URB1: variants seen among roughly 807,000 people sequenced by gnomAD.
URB1 encodes the protein URB1 ribosome biogenesis factor.
URB1 carries 197 observed loss-of-function variants against 242.3 expected under a neutral mutation model. The ratio of observed to expected loss-of-function variants is 0.81; its 90% CI spans 0.72 to 0.91. The LOEUF (loss-of-function observed/expected upper bound fraction) is 0.91, where lower values mean the gene tolerates loss of function less well. Ranked by LOEUF, URB1 falls within the 40% of genes least tolerant of loss-of-function variation. The pLI, the probability that URB1 is intolerant of heterozygous loss-of-function variation, is 0.00. For synonymous variants in URB1, 1,153 were observed against 1,201.8 expected, an observed-to-expected ratio of 0.96 and a Z score of 0.84; for missense variants, 2,721 against 2,860.5, an observed-to-expected ratio of 0.95 and a Z score of 1.11.
intron 28 of URB1, among the ~76,000 whole-genome samples, 158 bp from the exon 29 acceptor site, chr21:32,334,492 T>C (rs1023349961): frequency 1.3e-5 from 2 of 152,084 alleles, no homozygotes; most frequent in Non-Finnish European, 2.9e-5. Flanking sequence ...CATCACAGCT[T>C]ACGAAGTGGG....
intron 30 of URB1, among the ~76,000 whole-genome samples, chr21:32,326,674 C>T (rs2032833508): frequency 6.6e-6 from 1 of 152,176 alleles, no homozygotes; most frequent in Admixed American, 6.5e-5. Flanking sequence ...AAGCGTGTGG[C>T]ACTGCCCCAC....
chr21:32,388,356 A>C (rs1429010961), intron 1 of URB1, among the ~76,000 whole-genome samples: 1 of 152,208 alleles, frequency 6.6e-6, no homozygotes, highest in African/African-American at 2.4e-5. Flanking sequence ...CCCTCAAAAC[A>C]TAAGCAGCCC....
intron 1 of URB1, among the ~76,000 whole-genome samples, chr21:32,391,791 T>C (rs1444639676): frequency 3.3e-5 from 5 of 151,680 alleles, no homozygotes; most frequent in African/African-American, 9.7e-5. Flanking sequence ...GGTGGGAAGA[T>C]TGCTTGAGAC....
chr21:32,315,628 C>T (rs2032670716), intron 38 of URB1, among the ~76,000 whole-genome samples: 1 of 152,124 alleles, frequency 6.6e-6, no homozygotes, highest in Admixed American at 6.5e-5. Flanking sequence ...GTGTGGATCC[C>T]CTCAAAAAGC....
rs2070378 is a variant in URB1 at position 32,347,386 on chromosome 21, C to T, written c.3438G>A (p.Lys1146=). 1,276,364 of 1,551,260 alleles carry T rather than the reference C, an allele frequency of 0.82. 530,812 individuals are homozygous for T. Among genetic ancestry groups the T allele is most frequent in the Non-Finnish European group, 0.86 (983,493 of 1,146,942 alleles). ...TTCCAAGAGCATTCAGGTGTCTTTC[C>T]TTCCCGGGGGATTTCGTGGGTTGCT... ...VTQQPTKSPG[K]ERHLNALGKT... is the part of the protein sequence containing the mutation. Residue 1146 remains lysine, a synonymous_variant, in exon 22 of 39, where the codon AAG becomes AAA. Coordinates refer to ENST00000382751, the MANE Select transcript of URB1 (RefSeq NM_014825.3).
chr21:32,391,333 C>T (rs915007912), intron 1 of URB1, among the ~76,000 whole-genome samples: 26 of 151,152 alleles, frequency 1.7e-4, no homozygotes, highest in African/African-American at 4.1e-4. Context: ...CAAAGGGGCA[C>T]GTTGTGCACA....
Position 32,337,458 on chromosome 21 carries a change from T to C in URB1, c.4567A>G (p.Ser1523Gly), listed in dbSNP as rs1277246591. 1.3e-6 allele frequency: 2 copies of C among 1,551,094 alleles called. No individual in the cohort carries two copies. Among genetic ancestry groups the C allele is most frequent in the Non-Finnish European group, 1.7e-6 (2 of 1,146,920 alleles). The change falls in exon 27 of 39, where the codon AGC becomes GGC. Residue 1523 changes from serine to glycine, a missense_variant. Transcript: ENST00000382751. ...CCGAGAAGCACTGCAAAGTGGCTGC[T>C]CTCACAGACAGAGGGGCACATCTCC... The part of the protein sequence containing the change: ...VVEMCPSVCE[S>G]SHFAVLLGAY...
chr21:32,336,976 G>A, intron 28 of URB1, 118 bp downstream of exon 28: 1 of 1,016,078 alleles, frequency 9.8e-7, no homozygotes, highest in Non-Finnish European at 1.5e-6. Context: ...AGTGCTGCCT[G>A]CCTCACTCTT....
At position 32,347,249 on chromosome 21, in the gene URB1, G is replaced by T; in HGVS notation, c.3575C>A (p.Ala1192Glu). The T allele has an allele frequency of 6.4e-7, 1 of 1,550,906 alleles. No individual in the cohort carries two copies. The highest frequency in any genetic ancestry group is 2.0e-5 in the Admixed American group (1 of 51,008). Residue 1192 changes from alanine (A) to glutamate (E), a missense_variant, in exon 22 of 39, where the codon GCA (alanine) becomes GAA (glutamate). By Grantham distance (107) the Ala-to-Glu change is moderately radical. Coordinates refer to ENST00000382751, the MANE Select transcript of URB1 (RefSeq NM_014825.3). ...GAGCACTGTGTCCAGCTCGTCCACTGCTAGCGTGGGCAGCAGAGCCCCCAG... is the reference window on the plus strand; with the variant it reads ...GAGCACTGTGTCCAGCTCGTCCACTTCTAGCGTGGGCAGCAGAGCCCCCAG... ...RGLGALLPTLAVDELDTVLLH... is the reference protein window; with the variant it reads ...RGLGALLPTLEVDELDTVLLH...
At chr21:32,370,368 T>C (rs1191716738) in intron 8 of URB1, among the ~76,000 whole-genome samples, 1 of 152,226 alleles carries the variant, frequency 6.6e-6, no homozygotes, top group Non-Finnish European at 1.5e-5. Context: ...GAAAATATCC[T>C]TTCCTAATAT....
At chr21:32,356,927 G>A (rs984419725) in intron 15 of URB1, among the ~76,000 whole-genome samples, 1 of 152,218 alleles carries the variant, frequency 6.6e-6, no homozygotes, top group African/African-American at 2.4e-5. Context: ...TCTTTAAGCA[G>A]CTCAAGAGAG....
At chr21:32,348,181 C>T (rs541928929) in intron 21 of URB1, among the ~76,000 whole-genome samples, 15 of 152,132 alleles carry the variant, frequency 9.9e-5, no homozygotes, top group Non-Finnish European at 2.1e-4. Context: ...GTGTGGGGGG[C>T]GGGCCGTGCA....
intron 4 of URB1, among the ~76,000 whole-genome samples, chr21:32,381,374 CCTT>C (rs2033523356): frequency 6.6e-6 from 1 of 151,572 alleles, no homozygotes; most frequent in Admixed American, 6.6e-5. Context: ...CTATAACCCT[CCTT>C]CTTCATGACG....
intron 1 of URB1, among the ~76,000 whole-genome samples, chr21:32,386,954 T>C (rs928841875): frequency 6.6e-6 from 1 of 152,160 alleles, no homozygotes; most frequent in Non-Finnish European, 1.5e-5. Context: ...AGCTGATGCC[T>C]GTTGCTCTGA....
At chr21:32,344,477 G>A in intron 24 of URB1, 93 bp downstream of exon 24, 1 of 1,410,448 alleles carries the variant, frequency 7.1e-7, no homozygotes, top group Non-Finnish European at 9.5e-7. Flanking sequence ...CCATATTCAT[G>A]CCACCTGGCT....
chr21:32,377,230 G>A (rs758197687), intron 5 of URB1: 6 of 518,852 alleles, frequency 1.2e-5, no homozygotes, highest in African/African-American at 3.9e-5. Context: ...CGGGAACAGA[G>A]GCCAGGCAAT....
At chr21:32,350,552 G>A (rs933087333) in intron 20 of URB1, among the ~76,000 whole-genome samples, 152 bp downstream of exon 20, 1 of 152,230 alleles carries the variant, frequency 6.6e-6, no homozygotes, top group East Asian at 1.9e-4. Context: ...TGAAGAGTTT[G>A]CAGCTGAGGT....
chr21:32,360,276 G>C (rs1053634712), intron 13 of URB1, among the ~76,000 whole-genome samples: 4 of 152,184 alleles, frequency 2.6e-5, no homozygotes, highest in Admixed American at 6.5e-5. Flanking sequence ...TGTGGACAGA[G>C]ACTGCAGCCA....
In URB1 at chr21:32,347,519, G is replaced by A. The variant is rs868673691; in HGVS notation, c.3305C>T (p.Pro1102Leu). 18 of 1,551,250 alleles carry A rather than the reference G, an allele frequency of 1.2e-5. No homozygotes were observed. Among genetic ancestry groups the A allele is most frequent in the African/African-American group, 2.7e-5 (2 of 73,066 alleles). The change falls in exon 22 of 39, where the codon CCG (proline) becomes CTG (leucine). Residue 1102 changes from proline to leucine, a missense_variant. Pro to Leu is a moderately conservative substitution (Grantham distance 98, BLOSUM62 -3). Transcript: ENST00000382751. ...AGPATSPPKT[P>L]PQLEALQELH... ...CTCCTGCAGGGCCTCCAGCTGCGGC[G>A]GGGTCTTTGGTGGTGATGTGGCCGG...
Sources: allele counts gnomAD v4.1 joint callset (sites outside exome capture counted in the v4.1 genomes callset), GRCh38; gene constraint gnomAD v4.1.1; transcripts MANE v1.5; gene names NCBI Gene and HGNC (gene_info 2026-07-23, HGNC 2026-07-21).